The following ERCC6L2 variants were observed in gnomAD, a reference collection of about 807,000 sequenced individuals.
ERCC6L2 encodes DNA excision repair protein ERCC-6-like 2.
ERCC6L2 carries 77 observed loss-of-function variants against 132.0 expected under a neutral mutation model. The ratio of observed to expected loss-of-function variants is 0.58; its 90% confidence interval spans 0.49 to 0.71. The LOEUF is 0.71. Among genes scored for constraint, ERCC6L2 ranks in the 30% least tolerant of loss-of-function variants. The probability of loss-of-function intolerance (pLI) is 0.00; values close to 1 mark genes in which losing one functional copy is unlikely to be tolerated. For synonymous variants in ERCC6L2, 583 were observed against 632.4 expected (o/e 0.92, Z 1.17); for missense variants, 1,542 against 1,837.6 (o/e 0.84, Z 2.94).
intron 17 of ERCC6L2, among the ~76,000 whole-genome samples, chr9:95,996,674 G>C (rs899904136): frequency 6.6e-6 from 1 of 152,134 alleles, no homozygotes. Flanking sequence ...TTCCACTTGT[G>C]CTCCATAAAT....
intron 6 of ERCC6L2, chr9:95,918,207 CATG>C: frequency 2.1e-6 from 1 of 474,118 alleles, no homozygotes; most frequent in South Asian, 1.6e-5. Flanking sequence ...GCCCTGTAGA[CATG>C]ATGAGACAAG....
chr9:95,918,534 A>G, intron 6 of ERCC6L2: 2 of 474,914 alleles, frequency 4.2e-6, no homozygotes, highest in African/African-American at 2.0e-5. Context: ...AGACAAAATG[A>G]TGAATGGAAG....
intron 17 of ERCC6L2, among the ~76,000 whole-genome samples, chr9:95,996,218 A>G (rs1833467294): frequency 6.6e-6 from 1 of 152,258 alleles, no homozygotes; most frequent in South Asian, 2.1e-4. Flanking sequence ...GTCTGGATCA[A>G]AGATCAAACC....
chr9:95,906,991 G>T (rs1829070187), intron 3 of ERCC6L2, 87 bp from the exon 4 acceptor site: 1 of 844,768 alleles, frequency 1.2e-6, no homozygotes, highest in Non-Finnish European at 1.9e-6. Flanking sequence ...TAAGGAAGAG[G>T]ACTATTGATA....
intron 11 of ERCC6L2, among the ~76,000 whole-genome samples, chr9:95,939,609 G>C (rs574466148): frequency 1.3e-5 from 2 of 151,916 alleles, no homozygotes; most frequent in Non-Finnish European, 2.9e-5. Flanking sequence ...GGCAAGTTTT[G>C]TATTTCAGCT....
chr9:96,024,267 C>A (rs1330127354), intron 19 of ERCC6L2, among the ~76,000 whole-genome samples: 1 of 152,192 alleles, frequency 6.6e-6, no homozygotes, highest in Non-Finnish European at 1.5e-5. Context: ...CCTTTCTCCA[C>A]CCTTTAGCAG....
At chr9:95,987,321 C>T (rs1000064827) in intron 17 of ERCC6L2, among the ~76,000 whole-genome samples, 11 of 152,204 alleles carry the variant, frequency 7.2e-5, no homozygotes, top group Admixed American at 6.5e-4. Context: ...TGAGACAAGG[C>T]AAGTCCTTTC....
At chr9:95,975,740 T>G (rs1488530607) in intron 16 of ERCC6L2, among the ~76,000 whole-genome samples, 3 of 152,042 alleles carry the variant, frequency 2.0e-5, no homozygotes, top group Non-Finnish European at 4.4e-5. Flanking sequence ...TCTTCAGTTT[T>G]TGTCACATTC....
chr9:95,965,253 G>GTGT (rs1832099522), intron 13 of ERCC6L2, among the ~76,000 whole-genome samples: 1 of 152,144 alleles, frequency 6.6e-6, no homozygotes, highest in Non-Finnish European at 1.5e-5. Context: ...ACACTTCTTA[G>GTGT]CTGGCAGCTG....
At chr9:95,967,441 T>C (rs1040278734) in intron 14 of ERCC6L2, 1 of 152,168 alleles carries the variant, frequency 6.6e-6, no homozygotes, top group African/African-American at 2.4e-5. Context: ...AAAATCTTAA[T>C]GTACTTCATT....
chr9:95,960,919 G>A (rs190926836), intron 13 of ERCC6L2, among the ~76,000 whole-genome samples: 1 of 152,200 alleles, frequency 6.6e-6, no homozygotes, highest in Non-Finnish European at 1.5e-5. Flanking sequence ...GACTTCAGTG[G>A]TAAATTCTAT....
At chr9:95,941,061 T>C (rs1830775676) in intron 11 of ERCC6L2, among the ~76,000 whole-genome samples, 1 of 152,164 alleles carries the variant, frequency 6.6e-6, no homozygotes, top group Admixed American at 6.6e-5. Context: ...CTGCACTTAG[T>C]GGAAGAATAA....
chr9:95,931,875 A>G (rs535400766), intron 11 of ERCC6L2, among the ~76,000 whole-genome samples: 155 of 148,558 alleles, frequency 1.0e-3, no homozygotes, highest in African/African-American at 3.4e-3. Context: ...ATGCTTTTTT[A>G]TTATTTCTTT....
intron 3 of ERCC6L2, 85 bp from the exon 4 acceptor site, chr9:95,906,993 C>A: frequency 4.6e-6 from 4 of 861,580 alleles, no homozygotes; most frequent in Non-Finnish European, 7.4e-6. Context: ...AGGAAGAGGA[C>A]TATTGATATT....
chr9:95,956,659 G>A lies in ERCC6L2; in HGVS notation c.1947+646G>A, dbSNP rs189929631. The stretch of plus-strand genomic sequence containing the variant: ...CCCTTCTTCACAGGATGGCAGGAAG[G>A]AGAAGTGCTAAGCAAAGAGGGAAAA... On this transcript the variant is annotated intron_variant, in intron 13 of 18. Transcript: ENST00000653738. Among the ~76,000 whole-genome samples the A allele has an allele frequency of 8.2e-4, 125 of 152,230 alleles. No individual in the cohort carries two copies. The Middle Eastern group carries it at 0.017, about 21-fold the overall frequency.
At chr9:95,977,254 T>C (rs531196596) in intron 16 of ERCC6L2, among the ~76,000 whole-genome samples, 1 of 152,350 alleles carries the variant, frequency 6.6e-6, no homozygotes, top group African/African-American at 2.4e-5. Flanking sequence ...GAGAATGTTA[T>C]GCTAGTTACT....
intron 13 of ERCC6L2, among the ~76,000 whole-genome samples, chr9:95,962,336 G>C (rs1367460302): frequency 6.6e-6 from 1 of 152,074 alleles, no homozygotes; most frequent in Non-Finnish European, 1.5e-5. Flanking sequence ...AGTACAACTG[G>C]TATAGGTATA....
At chr9:95,981,649 G>A (rs936259565) in intron 17 of ERCC6L2, among the ~76,000 whole-genome samples, 2 of 152,118 alleles carry the variant, frequency 1.3e-5, no homozygotes, top group East Asian at 1.9e-4. Flanking sequence ...AAGCTCAGGC[G>A]AAAAAGAAGT....
rs1240943461 is a variant in ERCC6L2 at position 96,013,133 on chromosome 9, A to G, written c.4583A>G (p.Lys1528Arg). 1 of 1,367,378 alleles carries G rather than the reference A, an allele frequency of 7.3e-7. No individual in the cohort carries two copies. The highest frequency in any genetic ancestry group is 1.1e-5 in the South Asian group (1 of 88,032). The allele number at this position is 1,367,378 out of a possible 1,614,324, so 84.7% of individuals were successfully genotyped here. A position where few individuals can be genotyped will look rare whatever the true frequency, so the allele number is the denominator to read the frequency against. ...PATSLWKSNEKFLWKKFSPSD... is the reference protein window; with the variant it reads ...PATSLWKSNERFLWKKFSPSD... Reference sequence around the variant, plus strand: ...ACTTCTCTTTGGAAATCAAATGAGAAATTTTTATGGAAGAAATTTAGCCCA... The same window carrying G: ...ACTTCTCTTTGGAAATCAAATGAGAGATTTTTATGGAAGAAATTTAGCCCA... Residue 1528 changes from lysine to arginine, a missense_variant, in exon 19 of 19, where the codon AAA becomes AGA. Transcript: ENST00000653738.
Sources: gnomAD v4.1 joint callset for allele counts (sites outside exome capture counted in the v4.1 genomes callset) on GRCh38, gnomAD v4.1.1 for gene constraint, MANE v1.5 for transcripts, NCBI Gene and HGNC (gene_info 2026-07-23, HGNC 2026-07-21) for gene names.